Variants in CNTNAP2 observed in about 807,000 individuals in gnomAD.
CNTNAP2 encodes the protein contactin associated protein 2.
Under a neutral mutation model 155.2 loss-of-function variants are expected in CNTNAP2, and 98 were observed. The ratio of observed to expected loss-of-function variants is 0.63; its 90% CI spans 0.54 to 0.75. The LOEUF is 0.75. Among genes scored for constraint, CNTNAP2 ranks in the 30% least tolerant of loss-of-function variants. The pLI, the probability that CNTNAP2 is intolerant of heterozygous loss-of-function variation, is 0.00. For missense variants in CNTNAP2, 1,727 were observed against 1,688.1 expected (o/e 1.02, Z -0.40); for synonymous variants, 651 against 631.2 (o/e 1.03, Z -0.47).
At chr7:147,919,643 A>T (rs943322853) in intron 14 of CNTNAP2, among the ~76,000 whole-genome samples, 2 of 151,150 alleles carry the variant, frequency 1.3e-5, no homozygotes, top group African/African-American at 4.9e-5. Flanking sequence ...TATTTTTAGT[A>T]GAGATGGGGT....
At chr7:147,465,807 C>G (rs1434108743) in intron 10 of CNTNAP2, among the ~76,000 whole-genome samples, 1 of 152,148 alleles carries the variant, frequency 6.6e-6, no homozygotes, top group Non-Finnish European at 1.5e-5. Context: ...TGAATGTCTT[C>G]CCTGGTGCAG....
intron 9 of CNTNAP2, among the ~76,000 whole-genome samples, chr7:147,358,707 A>C (rs570925037): frequency 6.6e-6 from 1 of 152,248 alleles, no homozygotes; most frequent in East Asian, 1.9e-4. Flanking sequence ...ATTTATTTTC[A>C]ATGAAATTTT....
At chr7:146,983,393 A>G (rs143358401) in intron 3 of CNTNAP2, among the ~76,000 whole-genome samples, 1 of 152,202 alleles carries the variant, frequency 6.6e-6, no homozygotes, top group African/African-American at 2.4e-5. Context: ...TGTACTTGAA[A>G]AAAGGTACAC....
At chr7:147,988,282 C>T (rs935066215) in intron 15 of CNTNAP2, among the ~76,000 whole-genome samples, 2 of 152,100 alleles carry the variant, frequency 1.3e-5, no homozygotes, top group African/African-American at 4.8e-5. Context: ...ACAAAGTTTC[C>T]TATTCAGATC....
chr7:146,214,323 G>T (rs1799081583), intron 1 of CNTNAP2, among the ~76,000 whole-genome samples: 1 of 152,126 alleles, frequency 6.6e-6, no homozygotes, highest in Non-Finnish European at 1.5e-5. Flanking sequence ...TCAGTGTAGG[G>T]TTCTATACAG....
At chr7:147,387,754 C>T (rs1608787) in intron 9 of CNTNAP2, among the ~76,000 whole-genome samples, 96,813 of 151,420 alleles carry the variant, frequency 0.64, 31,993 homozygotes, top group African/African-American at 0.82. Flanking sequence ...TTATTATTGA[C>T]TGTATTTACC....
At chr7:147,956,050 T>C (rs1801012286) in intron 14 of CNTNAP2, among the ~76,000 whole-genome samples, 1 of 152,176 alleles carries the variant, frequency 6.6e-6, no homozygotes, top group South Asian at 2.1e-4. Context: ...ATTTATAGCT[T>C]ACTTAGCCTA....
chr7:147,823,231 AC>A (rs1445063241), intron 13 of CNTNAP2, among the ~76,000 whole-genome samples: 1 of 152,182 alleles, frequency 6.6e-6, no homozygotes, highest in Admixed American at 6.6e-5. Context: ...TTCTGCAGCC[AC>A]AGTTGCAGGA....
chr7:147,563,627 C>CAATAAATAAATAAATAAATA (rs35385008), intron 12 of CNTNAP2, among the ~76,000 whole-genome samples: 67 of 149,216 alleles, frequency 4.5e-4, no homozygotes, highest in African/African-American at 1.2e-3. Flanking sequence ...GACTCCATCT[C>CAATAAATAAATAAATAAATA]AATAAATAAA....
chr7:146,912,771 G>T (rs1006415961), intron 3 of CNTNAP2, among the ~76,000 whole-genome samples: 1 of 152,042 alleles, frequency 6.6e-6, no homozygotes, highest in East Asian at 1.9e-4. Context: ...ATTTGACTGC[G>T]GGAATGAAAA....
At chr7:146,135,916 A>T (rs1258566709) in intron 1 of CNTNAP2, among the ~76,000 whole-genome samples, 1 of 152,050 alleles carries the variant, frequency 6.6e-6, no homozygotes. Context: ...AGCTAATCTC[A>T]ATTACCCAAA....
intron 8 of CNTNAP2, among the ~76,000 whole-genome samples, chr7:147,169,010 C>T (rs181924833): frequency 5.6e-4 from 86 of 152,240 alleles, no homozygotes; most frequent in Admixed American, 1.2e-3. Context: ...CAAAGCACTT[C>T]GTTCAAGTGG....
intron 21 of CNTNAP2, among the ~76,000 whole-genome samples, chr7:148,281,923 C>A (rs1474738945): frequency 6.6e-6 from 1 of 151,144 alleles, no homozygotes; most frequent in Non-Finnish European, 1.5e-5. Flanking sequence ...GCAACCTCCA[C>A]CTCCCGGGTT....
intron 16 of CNTNAP2, among the ~76,000 whole-genome samples, chr7:148,137,487 C>T (rs1355752040): frequency 6.6e-6 from 1 of 152,166 alleles, no homozygotes; most frequent in African/African-American, 2.4e-5. Flanking sequence ...TGGCAAAACC[C>T]CATCTCTACT....
intron 1 of CNTNAP2, among the ~76,000 whole-genome samples, chr7:146,407,295 G>A (rs549710350): frequency 4.3e-4 from 66 of 152,242 alleles, no homozygotes; most frequent in Non-Finnish European, 7.8e-4. Context: ...ATATGGTGAA[G>A]TAATTAAAAA....
At chr7:147,936,926 G>A (rs1319417360) in intron 14 of CNTNAP2, among the ~76,000 whole-genome samples, 1 of 152,060 alleles carries the variant, frequency 6.6e-6, no homozygotes, top group Non-Finnish European at 1.5e-5. Flanking sequence ...ACAAGCTCTG[G>A]CAGCCATCAG....
At chr7:147,805,007 T>G (rs886350506) in intron 13 of CNTNAP2, among the ~76,000 whole-genome samples, 16 of 152,184 alleles carry the variant, frequency 1.1e-4, no homozygotes, top group African/African-American at 3.9e-4. Context: ...AATCCAGACC[T>G]GGAATCTCCT....
At chr7:147,304,474 A>G (rs1038335280) in intron 9 of CNTNAP2, among the ~76,000 whole-genome samples, 1 of 152,188 alleles carries the variant, frequency 6.6e-6, no homozygotes, top group Non-Finnish European at 1.5e-5. Context: ...TTAAATTTCT[A>G]AATTTTCTTT....
chr7:148,127,890 G>A (rs558055161), intron 16 of CNTNAP2, among the ~76,000 whole-genome samples: 2 of 152,200 alleles, frequency 1.3e-5, no homozygotes, highest in South Asian at 2.1e-4. Flanking sequence ...TATTTATTTA[G>A]AGGCAGGGCC....
Sources: allele counts gnomAD v4.1 joint callset (sites outside exome capture counted in the v4.1 genomes callset), GRCh38; gene constraint gnomAD v4.1.1; transcripts MANE v1.5; gene names NCBI Gene and HGNC (gene_info 2026-07-23, HGNC 2026-07-21).